EPPIN: variants seen among roughly 807,000 people sequenced by gnomAD.
EPPIN encodes the protein epididymal peptidase inhibitor.
In EPPIN, 14 loss-of-function variants were observed where a neutral mutation model predicts 18.8. The ratio of observed to expected loss-of-function variants is 0.75; its 90% CI spans 0.49 to 1.17. The LOEUF is 1.17. Among genes scored for constraint, EPPIN ranks in the 50% most tolerant of loss-of-function variants. The pLI is 0.00. For missense variants in EPPIN, 143 were observed against 154.2 expected (o/e 0.93, Z 0.39); for synonymous variants, 57 against 54.8 (o/e 1.04, Z -0.18).
intron 1 of EPPIN, 139 bp from the exon 2 acceptor site, chr20:45,545,909 C>A (rs954157425): frequency 9.8e-6 from 13 of 1,325,882 alleles, no homozygotes; most frequent in Non-Finnish European, 1.2e-5. Flanking sequence ...TTCCTCAGGG[C>A]AGCCTCACTC....
chr20:45,542,546 CT>C, intron 3 of EPPIN, 153 bp downstream of exon 3: 1 of 1,177,418 alleles, frequency 8.5e-7, no homozygotes. Context: ...TTTGTCTTGC[CT>C]TTTGCCAGGT....
chr20:45,543,640 C>T (rs1010849675), intron 2 of EPPIN: 4 of 152,396 alleles, frequency 2.6e-5, no homozygotes, highest in African/African-American at 7.2e-5. Context: ...TTCCTGGCCC[C>T]TCCAATCAAT....
At chr20:45,546,929 G>T (rs772450732) in intron 1 of EPPIN, among the ~76,000 whole-genome samples, 1 of 152,154 alleles carries the variant, frequency 6.6e-6, no homozygotes, top group Non-Finnish European at 1.5e-5. Flanking sequence ...CCTCAAGGAA[G>T]GGGCCTGTTT....
intron 2 of EPPIN, 160 bp from the exon 3 acceptor site, chr20:45,543,027 T>G: frequency 8.7e-7 from 1 of 1,155,628 alleles, no homozygotes; most frequent in Non-Finnish European, 1.2e-6. Flanking sequence ...TGCACACATT[T>G]GCAAGGAGAC....
intron 1 of EPPIN, chr20:45,546,494 T>C (rs2145554486): frequency 6.6e-6 from 1 of 152,370 alleles, no homozygotes; most frequent in Non-Finnish European, 1.5e-5. Flanking sequence ...GTATTTACCA[T>C]AAGCCGAGCA....
chr20:45,542,237 T>C lies in EPPIN; in HGVS notation c.392-83A>G, dbSNP rs527669087. ...GCTTGAAGTTATGTTTATACATCTT[T>C]GCACAGAAAGACACTAAAAAGTAGT... is the stretch of plus-strand genomic sequence containing the variant. On this transcript the variant is annotated intron_variant, in intron 3 of 3. Transcript: ENST00000354280. 6.3e-4 allele frequency: 987 copies of C among 1,573,648 alleles called. 7 individuals carry two copies. The South Asian group carries it at 0.011, about 17-fold the overall frequency.
chr20:45,547,167 A>T, intron 1 of EPPIN, 100 bp downstream of exon 1: 2 of 1,537,276 alleles, frequency 1.3e-6, no homozygotes, highest in Admixed American at 3.7e-5. Context: ...GACCTGGGCT[A>T]AGATGGTGGA....
chr20:45,546,451 T>C (rs1031060937), intron 1 of EPPIN: 2 of 152,308 alleles, frequency 1.3e-5, no homozygotes, highest in Non-Finnish European at 2.9e-5. Flanking sequence ...TCAAAGTAAC[T>C]GATGCACAGT....
chr20:45,545,518 C>A, intron 2 of EPPIN, 121 bp downstream of exon 2: 1 of 1,545,262 alleles, frequency 6.5e-7, no homozygotes, highest in South Asian at 1.2e-5. Context: ...GCAGGTCTCC[C>A]AAGTCCAGCA....
intron 1 of EPPIN, among the ~76,000 whole-genome samples, 197 bp downstream of exon 1, chr20:45,547,070 G>A (rs968349799): frequency 6.6e-6 from 1 of 152,134 alleles, no homozygotes; most frequent in African/African-American, 2.4e-5. Flanking sequence ...TGAAAGTGGG[G>A]ATTGCCTAAG....
In EPPIN at chr20:45,540,715, A is replaced by G. The variant is rs1414665139; in HGVS notation, c.*1429T>C. 6.6e-6 allele frequency: 1 copy of G among 152,228 alleles called. No individual in the cohort carries two copies. The allele number at this position is 152,228 out of a possible 1,614,324, so 9.4% of individuals were successfully genotyped here. A position where few individuals can be genotyped will look rare whatever the true frequency, so the allele number is the denominator to read the frequency against. ...TCAGAGAAATGCAAATCAAAACCAC[A>G]ATGAGATACCATCTCATGCCAGTCA... On this transcript the variant is annotated 3_prime_UTR_variant, in exon 4 of 4. Coordinates refer to ENST00000354280, the MANE Select transcript of EPPIN (RefSeq NM_020398.4).
In EPPIN at chr20:45,542,707, C is replaced by T. The variant is rs770311343; in HGVS notation, c.384G>A (p.Lys128=). ...GGGGCCCCTAGGACTTACGTTTATT[C>T]TTGCAGGTGTTCAGGCAGTTGGCTT... ...QSKANCLNTC[K]NKRFP Residue 128 remains lysine, a synonymous_variant, in exon 3 of 4, where the codon AAG becomes AAA. Transcript: ENST00000354280. 6.2e-7 allele frequency: 1 copy of T among 1,613,590 alleles called. No homozygotes were observed. Among genetic ancestry groups the T allele is most frequent in the South Asian group, 1.1e-5 (1 of 90,988 alleles).
Position 45,542,806 on chromosome 20 carries a change from A to G in EPPIN, c.285T>C (p.Tyr95=), listed in dbSNP as rs779982485. 1.2e-6 allele frequency: 2 copies of G among 1,613,988 alleles called. No homozygotes were observed. Among genetic ancestry groups the G allele is most frequent in the Non-Finnish European group, 1.7e-6 (2 of 1,179,892 alleles). The change falls in exon 3 of 4, where the codon TAT becomes TAC. Residue 95 remains tyrosine, a synonymous_variant. Coordinates refer to ENST00000354280, the MANE Select transcript of EPPIN (RefSeq NM_020398.4). ...TGGAGCAAGTATTATCTTTCTTGTC[A>G]TACCACCAATGAAGAAAATAAGCCA... ...PCLAYFLHWW[Y]DKKDNTCSMF...
rs78680601 is a variant in EPPIN at position 45,542,398 on chromosome 20, G to T, written c.392-244C>A. ...ACGTGTCTTAAGTTTAGCGTCCTGT[G>T]CCTCTTCTGCAATTCATCTCTGAGA... On this transcript the variant is annotated intron_variant, in intron 3 of 3. Transcript: ENST00000354280. The T allele has an allele frequency of 7.9e-3, 5,032 of 633,972 alleles. 28 individuals carry two copies. Among genetic ancestry groups the T allele is most frequent in the Admixed American group, 0.022 (700 of 32,328 alleles). 39.3% of individuals were successfully genotyped at this position (633,972 alleles called of 1,614,324 possible). A position where few individuals can be genotyped will look rare whatever the true frequency, so the allele number is the denominator to read the frequency against.
At chr20:45,542,556 G>A (rs1312213035) in intron 3 of EPPIN, 144 bp downstream of exon 3, 11 of 1,249,724 alleles carry the variant, frequency 8.8e-6, no homozygotes, top group Non-Finnish European at 1.2e-5. Context: ...CTTTTGCCAG[G>A]TGCATTCTTA....
intron 1 of EPPIN, 49 bp downstream of exon 1, chr20:45,547,218 C>T (rs766823753): frequency 1.9e-6 from 3 of 1,612,110 alleles, no homozygotes; most frequent in East Asian, 2.2e-5. Context: ...GTTCCTTCCT[C>T]CCAGCAAACT....
At chr20:45,544,750 T>A (rs1257826093) in intron 2 of EPPIN, 1 of 152,186 alleles carries the variant, frequency 6.6e-6, no homozygotes, top group Non-Finnish European at 1.5e-5. Context: ...GGTCATATGA[T>A]GCCCCGCCTC....
At chr20:45,545,936 C>G in intron 1 of EPPIN, 166 bp from the exon 2 acceptor site, 2 of 967,290 alleles carry the variant, frequency 2.1e-6, no homozygotes, top group Non-Finnish European at 3.0e-6. Flanking sequence ...CTACTGCCTA[C>G]ACCCCCACCA....
At chr20:45,542,299 A>C in intron 3 of EPPIN, 145 bp from the exon 4 acceptor site, 1 of 1,037,752 alleles carries the variant, frequency 9.6e-7, no homozygotes, top group Non-Finnish European at 1.4e-6. Flanking sequence ...TCCTTCAAGG[A>C]AAAACAAATA....
Sources: gnomAD v4.1 joint callset for allele counts (sites outside exome capture counted in the v4.1 genomes callset) on GRCh38, gnomAD v4.1.1 for gene constraint, MANE v1.5 for transcripts, NCBI Gene and HGNC (gene_info 2026-07-23, HGNC 2026-07-21) for gene names.